ACSS3: variants seen among roughly 807,000 people sequenced by gnomAD.
ACSS3 encodes acyl-CoA synthetase short chain family member 3.
In ACSS3, 64 loss-of-function variants were observed where a neutral mutation model predicts 84.2. The observed-to-expected ratio is 0.76, with a 90% CI of 0.62 to 0.94. ACSS3 has a LOEUF of 0.94. Among genes scored for constraint, ACSS3 ranks in the 40% least tolerant of loss-of-function variants. The probability of loss-of-function intolerance (pLI) is 0.00; values close to 1 mark genes in which losing one functional copy is unlikely to be tolerated. For missense variants in ACSS3, 815 were observed against 867.6 expected (o/e 0.94, Z 0.76); for synonymous variants, 317 against 310.1 (o/e 1.02, Z -0.23).
intron 9 of ACSS3, among the ~76,000 whole-genome samples, chr12:81,204,905 A>G (rs909697301): frequency 6.6e-6 from 1 of 152,116 alleles, no homozygotes; most frequent in Non-Finnish European, 1.5e-5. Context: ...AATTTGTTAA[A>G]CTCTAAGGAG....
At chr12:81,214,356 G>T (rs529748954) in intron 9 of ACSS3, among the ~76,000 whole-genome samples, 1 of 152,140 alleles carries the variant, frequency 6.6e-6, no homozygotes, top group East Asian at 1.9e-4. Flanking sequence ...TCCTTTGAAT[G>T]AATCAATCAA....
intron 9 of ACSS3, among the ~76,000 whole-genome samples, chr12:81,212,963 A>T (rs1469733508): frequency 6.6e-6 from 1 of 152,134 alleles, no homozygotes; most frequent in Non-Finnish European, 1.5e-5. Flanking sequence ...CTCTTATCTA[A>T]AGAAACTATG....
intron 2 of ACSS3, among the ~76,000 whole-genome samples, chr12:81,125,213 C>A (rs1426615816): frequency 2.7e-5 from 4 of 149,558 alleles, no homozygotes; most frequent in African/African-American, 1.0e-4. Flanking sequence ...GACTTCGTCT[C>A]AAAAAAAAAA....
chr12:81,122,029 T>G, intron 2 of ACSS3, among the ~76,000 whole-genome samples: 1 of 151,634 alleles, frequency 6.6e-6, no homozygotes. Flanking sequence ...CACCTCCCGG[T>G]TCAGGCAATT....
chr12:81,194,073 T>G (rs1334136862), intron 8 of ACSS3, among the ~76,000 whole-genome samples: 1 of 151,602 alleles, frequency 6.6e-6, no homozygotes. Context: ...AAAAGGTTAC[T>G]ATTTTTTTTT....
In ACSS3 at chr12:81,231,050, A is replaced by G. The variant is rs778336179; in HGVS notation, c.1515-7A>G. ...TCATAATTTTAACTTCTCTGTTTTT[A>G]TATAAGGTTACCATTGCCACCTGGG... On this transcript the variant is annotated splice_region_variant and splice_polypyrimidine_tract_variant and intron_variant, in intron 11 of 15. Coordinates refer to ENST00000548058, the MANE Select transcript of ACSS3 (RefSeq NM_024560.4). 3.1e-6 allele frequency: 5 copies of G among 1,604,864 alleles called. No homozygotes were observed. The African/African-American group carries it at 4.0e-5, about 13-fold the overall frequency.
chr12:81,135,984 A>G (rs1197724804), intron 3 of ACSS3, among the ~76,000 whole-genome samples: 3 of 152,146 alleles, frequency 2.0e-5, no homozygotes, highest in African/African-American at 7.2e-5. Context: ...TGTTCATTCA[A>G]CATATATTTT....
intron 5 of ACSS3, among the ~76,000 whole-genome samples, chr12:81,143,827 A>T (rs1213928417): frequency 1.3e-5 from 2 of 152,174 alleles, no homozygotes; most frequent in Non-Finnish European, 2.9e-5. Flanking sequence ...TTTACCATGA[A>T]ATGTGTTTTT....
intron 2 of ACSS3, among the ~76,000 whole-genome samples, chr12:81,128,267 T>A (rs1410507184): frequency 6.6e-6 from 1 of 152,142 alleles, no homozygotes; most frequent in African/African-American, 2.4e-5. Context: ...AACCTCAGTT[T>A]AGGACATACA....
At chr12:81,194,154 T>C (rs558734659) in intron 8 of ACSS3, among the ~76,000 whole-genome samples, 1 of 151,924 alleles carries the variant, frequency 6.6e-6, no homozygotes, top group East Asian at 1.9e-4. Flanking sequence ...AATATAGATT[T>C]ATACTAAGAT....
At chr12:81,102,017 T>A (rs1031360993) in intron 1 of ACSS3, among the ~76,000 whole-genome samples, 5 of 151,054 alleles carry the variant, frequency 3.3e-5, no homozygotes, top group African/African-American at 1.2e-4. Flanking sequence ...ATACCCTGGC[T>A]TTATATTCTC....
In ACSS3 at chr12:81,257,498, G is replaced by A. The variant is rs1652887747; in HGVS notation, c.*2576G>A. 6.6e-6 allele frequency: 1 copy of A among 152,046 alleles called. No individual in the cohort carries two copies. Among genetic ancestry groups the A allele is most frequent in the Non-Finnish European group, 1.5e-5 (1 of 67,992 alleles). 9.4% of individuals were successfully genotyped at this position (152,046 alleles called of 1,614,324 possible). ...ACTTAAACTTGCTAGAATAAATTCTGTGAGGTCTTCGTTTGGTATTTTCAT... is the reference window on the plus strand; with the variant it reads ...ACTTAAACTTGCTAGAATAAATTCTATGAGGTCTTCGTTTGGTATTTTCAT... On this transcript the variant is annotated 3_prime_UTR_variant, in exon 16 of 16. Transcript: ENST00000548058.
At chr12:81,125,213 CAAAAA>C (rs534890795) in intron 2 of ACSS3, among the ~76,000 whole-genome samples, 7 of 149,570 alleles carry the variant, frequency 4.7e-5, no homozygotes, top group Non-Finnish European at 8.8e-5. Context: ...GACTTCGTCT[CAAAAA>C]AAAAAAACAA....
Position 81,174,945 on chromosome 12 carries a change from G to T in ACSS3, c.1250+6G>T, listed in dbSNP as rs768892088. On this transcript the variant is annotated splice_donor_region_variant and intron_variant, in intron 8 of 15. Transcript: ENST00000548058. The stretch of plus-strand genomic sequence containing the variant: ...AAGCAGTACTCTCTGACAAGGTGAC[G>T]TTGGGATGCACAGGGCAAATGACAT... 2 of 1,613,010 alleles carry T rather than the reference G, an allele frequency of 1.2e-6. No homozygotes were observed. Among genetic ancestry groups the T allele is most frequent in the East Asian group, 4.5e-5 (2 of 44,868 alleles).
intron 13 of ACSS3, among the ~76,000 whole-genome samples, chr12:81,240,982 C>T (rs993914102): frequency 8.5e-6 from 1 of 117,128 alleles, no homozygotes; most frequent in Admixed American, 9.8e-5. Context: ...GCTATCCCTC[C>T]CCCCTCCCCC....
chr12:81,219,147 T>C (rs1285063852), intron 10 of ACSS3, among the ~76,000 whole-genome samples: 1 of 152,134 alleles, frequency 6.6e-6, no homozygotes, highest in Non-Finnish European at 1.5e-5. Flanking sequence ...AGAATGTGCC[T>C]GGGGCATATA....
chr12:81,176,862 T>C (rs537712124), intron 8 of ACSS3, among the ~76,000 whole-genome samples: 3 of 152,004 alleles, frequency 2.0e-5, no homozygotes, highest in South Asian at 4.2e-4. Flanking sequence ...AGAGATGCAA[T>C]GAAAAAAGAA....
chr12:81,154,822 T>C (rs1471933704), intron 7 of ACSS3, among the ~76,000 whole-genome samples: 1 of 152,220 alleles, frequency 6.6e-6, no homozygotes, highest in African/African-American at 2.4e-5. Context: ...GATCCTTTCC[T>C]CTCTCTTGAG....
intron 7 of ACSS3, among the ~76,000 whole-genome samples, chr12:81,157,890 A>G (rs77135921): frequency 0.071 from 10,698 of 151,678 alleles, 469 homozygotes; most frequent in Admixed American, 0.11. Context: ...AATTGTCTTT[A>G]TTTGCAGATG....
Sources: allele counts gnomAD v4.1 joint callset (sites outside exome capture counted in the v4.1 genomes callset), GRCh38; gene constraint gnomAD v4.1.1; transcripts MANE v1.5; gene names NCBI Gene and HGNC (gene_info 2026-07-23, HGNC 2026-07-21).